The following CHN2 variants were observed in gnomAD, a reference collection of about 807,000 sequenced individuals.
The protein encoded by CHN2 is beta-chimaerin.
CHN2 carries 35 observed loss-of-function variants against 56.3 expected under a neutral mutation model. That is an observed-to-expected ratio of 0.62 (90% confidence interval 0.47 to 0.82). The LOEUF is 0.82. Among genes scored for constraint, CHN2 ranks in the 40% least tolerant of loss-of-function variants. The pLI, the probability that CHN2 is intolerant of heterozygous loss-of-function variation, is 0.00. For synonymous variants in CHN2, 210 were observed against 212.8 expected, an observed-to-expected ratio of 0.99 and a Z score of 0.12; for missense variants, 491 against 580.5, an observed-to-expected ratio of 0.85 and a Z score of 1.58.
intron 3 of CHN2, among the ~76,000 whole-genome samples, chr7:29,373,366 G>A (rs966455889): frequency 6.6e-6 from 1 of 151,872 alleles, no homozygotes; most frequent in Non-Finnish European, 1.5e-5. Flanking sequence ...GTAGACACAG[G>A]CTTTTACCAT....
intron 7 of CHN2, among the ~76,000 whole-genome samples, chr7:29,482,006 C>A (rs925321796): frequency 6.6e-6 from 1 of 152,018 alleles, no homozygotes; most frequent in Non-Finnish European, 1.5e-5. Flanking sequence ...AATGTTAGAT[C>A]CCTGAATGGA....
intron 3 of CHN2, chr7:29,380,933 C>T (rs886122523): frequency 7.2e-5 from 11 of 152,110 alleles, no homozygotes; most frequent in African/African-American, 2.4e-4. Context: ...AACAGGCGAT[C>T]TAGTGGCACA....
chr7:29,358,702 G>C (rs980995931), intron 2 of CHN2, among the ~76,000 whole-genome samples: 3 of 152,106 alleles, frequency 2.0e-5, no homozygotes, highest in Non-Finnish European at 4.4e-5. Context: ...CTGACCTCGT[G>C]ATCTGCCCGC....
At position 29,381,770 on chromosome 7, in the gene CHN2, C is replaced by G. The variant is rs28607512; in HGVS notation, c.145-11909C>G. 3.6e-5 allele frequency among the ~76,000 whole-genome samples: 4 copies of G among 111,878 alleles called. No homozygotes were observed. In the East Asian group the frequency reaches 1.2e-3, roughly 35 times the overall value. The allele number at this position is 111,878 out of a possible 152,430, so 73.4% of individuals were successfully genotyped here. A position where few individuals can be genotyped will look rare whatever the true frequency, so the allele number is the denominator to read the frequency against. On this transcript the variant is annotated intron_variant, in intron 3 of 12. Coordinates refer to ENST00000222792, the MANE Select transcript of CHN2 (RefSeq NM_004067.4). ...TTTAATGGAAATATCACTTAGAATTCTATTGTAAGCAATAAAAGTCTATTC... is the reference window on the plus strand; with the variant it reads ...TTTAATGGAAATATCACTTAGAATTGTATTGTAAGCAATAAAAGTCTATTC...
At chr7:29,419,935 C>G (rs1314804235) in intron 6 of CHN2, among the ~76,000 whole-genome samples, 1 of 151,922 alleles carries the variant, frequency 6.6e-6, no homozygotes, top group Non-Finnish European at 1.5e-5. Context: ...TGGCACGCAC[C>G]TGTAATCCCA....
At chr7:29,427,507 C>T (rs944186702) in intron 6 of CHN2, among the ~76,000 whole-genome samples, 1 of 152,132 alleles carries the variant, frequency 6.6e-6, no homozygotes, top group Non-Finnish European at 1.5e-5. Flanking sequence ...CTGCCTACCA[C>T]ATCCTCTGTC....
At chr7:29,280,741 T>C (rs1791638457) in intron 1 of CHN2, among the ~76,000 whole-genome samples, 2 of 152,192 alleles carry the variant, frequency 1.3e-5, no homozygotes, top group South Asian at 4.1e-4. Context: ...GCAAGTCGCC[T>C]ACCTTCCTCA....
rs137983568 is a variant in CHN2, at chr7:29,352,430, A to G, written c.50-2195A>G. 8.1e-3 allele frequency among the ~76,000 whole-genome samples: 1,228 copies of G among 152,128 alleles called. 11 individuals are homozygous for G. Among genetic ancestry groups the G allele is most frequent in the African/African-American group, 0.025 (1,040 of 41,476 alleles). Reference sequence around the variant, plus strand: ...TTTTTGAAGATGCCTTCAACATTTTAACATAGAGGGCCGGGGCACGGTGGC... The same window carrying G: ...TTTTTGAAGATGCCTTCAACATTTTGACATAGAGGGCCGGGGCACGGTGGC... On this transcript the variant is annotated intron_variant, in intron 1 of 12. Coordinates refer to ENST00000222792, the MANE Select transcript of CHN2 (RefSeq NM_004067.4).
intron 1 of CHN2, among the ~76,000 whole-genome samples, chr7:29,268,283 A>AAAACACACACACAC (rs1790307356): frequency 7.5e-6 from 1 of 134,170 alleles, no homozygotes; most frequent in Admixed American, 7.7e-5. Context: ...GCTTCACCAG[A>AAAACACACACACAC]ACACACACAC....
At chr7:29,471,530 G>A (rs1380831567) in intron 6 of CHN2, among the ~76,000 whole-genome samples, 2 of 152,044 alleles carry the variant, frequency 1.3e-5, no homozygotes, top group Admixed American at 6.6e-5. Context: ...CCATTTCAGC[G>A]CACATACAGG....
chr7:29,158,109 C>T (rs1048180494), intron 2 of CHN2, among the ~76,000 whole-genome samples: 1 of 152,166 alleles, frequency 6.6e-6, no homozygotes, highest in African/African-American at 2.4e-5. Context: ...CCCATCTCCA[C>T]TGAACACTGG....
chr7:29,287,723 GTCC>G (rs1481913162), intron 1 of CHN2, among the ~76,000 whole-genome samples: 1 of 152,156 alleles, frequency 6.6e-6, no homozygotes, highest in Non-Finnish European at 1.5e-5. Context: ...AACCCAAAGA[GTCC>G]TAACTAGTAG....
intron 1 of CHN2, among the ~76,000 whole-genome samples, chr7:29,203,467 CAAAAAAAAAAAA>C (rs11287820): frequency 3.6e-5 from 2 of 55,580 alleles, no homozygotes; most frequent in East Asian, 4.5e-4. Context: ...AACTCCGTCT[CAAAAAAAAAAAA>C]AAAAAAAAAA....
At chr7:29,236,279 T>C (rs1402198259) in intron 1 of CHN2, among the ~76,000 whole-genome samples, 1 of 152,266 alleles carries the variant, frequency 6.6e-6, no homozygotes, top group Non-Finnish European at 1.5e-5. Flanking sequence ...CTCACTTGTC[T>C]CTTGGATTTC....
chr7:29,236,495 C>T (rs1308588427), intron 1 of CHN2, among the ~76,000 whole-genome samples: 1 of 152,234 alleles, frequency 6.6e-6, no homozygotes, highest in East Asian at 1.9e-4. Context: ...TGAAGAGCTG[C>T]CACTACATGA....
chr7:29,414,095 A>G (rs574342278), intron 6 of CHN2, among the ~76,000 whole-genome samples: 119 of 152,290 alleles, frequency 7.8e-4, no homozygotes, highest in African/African-American at 2.7e-3. Context: ...TACCTTTACT[A>G]TATCGCAAGG....
intron 5 of CHN2, 41 bp downstream of exon 5, chr7:29,398,527 T>G (rs1801945539): frequency 8.0e-7 from 1 of 1,253,836 alleles, no homozygotes; most frequent in Admixed American, 1.7e-5. Flanking sequence ...GCTGTACAAG[T>G]GGCTTCACTG....
At chr7:29,476,061 C>T (rs1000552296) in intron 6 of CHN2, among the ~76,000 whole-genome samples, 1 of 152,166 alleles carries the variant, frequency 6.6e-6, no homozygotes, top group African/African-American at 2.4e-5. Context: ...AGGAAAGACA[C>T]TTGTTCTTCA....
chr7:29,511,970 G>C (rs1162887880), intron 12 of CHN2, among the ~76,000 whole-genome samples: 1 of 151,956 alleles, frequency 6.6e-6, no homozygotes, highest in Non-Finnish European at 1.5e-5. Flanking sequence ...CTCATCCTGT[G>C]GGAACTAGAA....
Sources: gnomAD v4.1 joint callset for allele counts (sites outside exome capture counted in the v4.1 genomes callset) on GRCh38, gnomAD v4.1.1 for gene constraint, MANE v1.5 for transcripts, NCBI Gene and HGNC (gene_info 2026-07-23, HGNC 2026-07-21) for gene names.